Variants in WWOX observed in about 807,000 individuals in gnomAD.
WWOX encodes WW domain-containing oxidoreductase.
In WWOX, 69 loss-of-function variants were observed where a neutral mutation model predicts 46.2. The ratio of observed to expected loss-of-function variants is 1.49; its 90% CI spans 1.23 to 1.82. WWOX has a LOEUF of 1.82. WWOX is among the 40% of genes most tolerant of loss of function. WWOX has a pLI of 0.00. For synonymous variants in WWOX, 359 were observed against 202.6 expected, an observed-to-expected ratio of 1.77 and a Z score of -6.56; for missense variants, 919 against 542.6, an observed-to-expected ratio of 1.69 and a Z score of -6.89.
At chr16:78,114,266 T>G (rs2032656770) in intron 3 of WWOX, among the ~76,000 whole-genome samples, 1 of 151,974 alleles carries the variant, frequency 6.6e-6, no homozygotes. Context: ...ACACTTGAAA[T>G]TTTGTTTAGT....
At chr16:79,018,386 A>G (rs1434340486) in intron 8 of WWOX, among the ~76,000 whole-genome samples, 1 of 152,194 alleles carries the variant, frequency 6.6e-6, no homozygotes, top group South Asian at 2.1e-4. Context: ...TCAGTAATCA[A>G]TGTGATTTGT....
intron 8 of WWOX, among the ~76,000 whole-genome samples, chr16:78,950,163 C>T (rs369126755): frequency 6.6e-6 from 1 of 152,170 alleles, no homozygotes; most frequent in African/African-American, 2.4e-5. Context: ...CTCACTTTTC[C>T]CTTCTTGATA....
intron 8 of WWOX, among the ~76,000 whole-genome samples, chr16:78,925,167 A>T (rs908159955): frequency 5.3e-5 from 8 of 152,176 alleles, no homozygotes; most frequent in Non-Finnish European, 1.0e-4. Context: ...TGCACTCCAG[A>T]CTGCATGAGA....
rs117423702 is a variant in WWOX, at chr16:79,181,739, G to A, written c.1057-29869G>A. Among the ~76,000 whole-genome samples the A allele has an allele frequency of 2.1e-4, 32 of 152,216 alleles. No individual in the cohort carries two copies. The East Asian group carries it at 6.2e-3, about 29-fold the overall frequency. On this transcript the variant is annotated intron_variant, in intron 8 of 8. Transcript: ENST00000566780. ...TTTTGACATACTTGGAGTTCTAGAA[G>A]TGGAATTACTGGGTCGGAGGTCACA...
At chr16:79,082,205 G>T (rs1057491220) in intron 8 of WWOX, among the ~76,000 whole-genome samples, 1 of 152,168 alleles carries the variant, frequency 6.6e-6, no homozygotes, top group Non-Finnish European at 1.5e-5. Flanking sequence ...ACAAGATTCA[G>T]CAAAATTAAA....
At chr16:79,056,282 G>A (rs533615687) in intron 8 of WWOX, among the ~76,000 whole-genome samples, 92 of 151,872 alleles carry the variant, frequency 6.1e-4, no homozygotes, top group African/African-American at 2.2e-3. Context: ...CTTAAACTTT[G>A]GAGAGGAAAA....
intron 8 of WWOX, among the ~76,000 whole-genome samples, chr16:79,083,873 G>A (rs2048806815): frequency 6.6e-6 from 1 of 152,292 alleles, no homozygotes; most frequent in African/African-American, 2.4e-5. Context: ...CTCCTATTTT[G>A]TTTTAATGCA....
At chr16:79,118,294 T>C (rs1290403510) in intron 8 of WWOX, among the ~76,000 whole-genome samples, 1 of 152,240 alleles carries the variant, frequency 6.6e-6, no homozygotes, top group Non-Finnish European at 1.5e-5. Context: ...CAGTGTGGTA[T>C]TCATAAATAT....
intron 4 of WWOX, among the ~76,000 whole-genome samples, chr16:78,122,373 A>G (rs1276335472): frequency 6.6e-6 from 1 of 152,186 alleles, no homozygotes. Context: ...TGGTGTCAGC[A>G]TAACAAATGA....
intron 8 of WWOX, among the ~76,000 whole-genome samples, chr16:78,937,571 A>C (rs2045766339): frequency 6.7e-6 from 1 of 148,436 alleles, no homozygotes; most frequent in Non-Finnish European, 1.5e-5. Context: ...CTGCGATTAC[A>C]GGCATCTGCC....
intron 8 of WWOX, among the ~76,000 whole-genome samples, chr16:78,733,819 A>T (rs1466891542): frequency 6.6e-6 from 1 of 152,048 alleles, no homozygotes; most frequent in Non-Finnish European, 1.5e-5. Flanking sequence ...CCATCCCAGC[A>T]CTTTGGGAGT....
chr16:79,179,440 G>A (rs1392149909), intron 8 of WWOX, among the ~76,000 whole-genome samples: 2 of 152,178 alleles, frequency 1.3e-5, no homozygotes, highest in African/African-American at 2.4e-5. Flanking sequence ...CCTAACTAAT[G>A]CAGTATGTGA....
At chr16:78,670,473 G>C (rs762453449) in intron 8 of WWOX, among the ~76,000 whole-genome samples, 3 of 152,066 alleles carry the variant, frequency 2.0e-5, no homozygotes, top group Non-Finnish European at 4.4e-5. Flanking sequence ...CTTACCAGTG[G>C]TGTGTGATCG....
intron 6 of WWOX, among the ~76,000 whole-genome samples, chr16:78,418,698 T>A (rs988061037): frequency 5.9e-5 from 9 of 152,214 alleles, no homozygotes; most frequent in Admixed American, 5.9e-4. Flanking sequence ...GAATAAAAGA[T>A]CCTCTCAATA....
At chr16:78,834,696 A>G (rs897849471) in intron 8 of WWOX, among the ~76,000 whole-genome samples, 4 of 152,192 alleles carry the variant, frequency 2.6e-5, no homozygotes, top group Admixed American at 2.0e-4. Context: ...GATTTTGTAT[A>G]TTGCAGAGAT....
At chr16:79,179,911 TGTGAA>T (rs2050876361) in intron 8 of WWOX, among the ~76,000 whole-genome samples, 1 of 152,208 alleles carries the variant, frequency 6.6e-6, no homozygotes, top group South Asian at 2.1e-4. Flanking sequence ...ACAGCATAGA[TGTGAA>T]GTGACTTGTC....
intron 8 of WWOX, among the ~76,000 whole-genome samples, chr16:78,594,931 C>T (rs1199081319): frequency 6.6e-6 from 1 of 151,980 alleles, no homozygotes; most frequent in African/African-American, 2.4e-5. Flanking sequence ...ACCAGAAGGG[C>T]CTGTCTCTCA....
intron 5 of WWOX, among the ~76,000 whole-genome samples, chr16:78,261,462 TA>T (rs1343479137): frequency 6.6e-6 from 1 of 150,650 alleles, no homozygotes; most frequent in East Asian, 1.9e-4. Context: ...CATAGCTGTA[TA>T]AAAAGAAAAG....
chr16:79,051,374 T>A (rs1434960833), intron 8 of WWOX, among the ~76,000 whole-genome samples: 1 of 152,200 alleles, frequency 6.6e-6, no homozygotes. Context: ...GGTGCTGTGA[T>A]CAGCAAGCCG....
Sources: gnomAD v4.1 joint callset for allele counts (sites outside exome capture counted in the v4.1 genomes callset) on GRCh38, gnomAD v4.1.1 for gene constraint, MANE v1.5 for transcripts, NCBI Gene and HGNC (gene_info 2026-07-23, HGNC 2026-07-21) for gene names.